Variants in RMDN2 observed in about 807,000 individuals in gnomAD.
RMDN2 encodes the protein regulator of microtubule dynamics protein 2.
In RMDN2, 61 loss-of-function variants were observed where a neutral mutation model predicts 52.8. The observed-to-expected ratio is 1.16, with a 90% CI of 0.94 to 1.43. The LOEUF (loss-of-function observed/expected upper bound fraction) is 1.43, where lower values mean the gene tolerates loss of function less well. Among genes scored for constraint, RMDN2 ranks in the 40% most tolerant of loss-of-function variants. RMDN2 has a pLI of 0.00. For synonymous variants in RMDN2, 180 were observed against 153.1 expected, an observed-to-expected ratio of 1.18 and a Z score of -1.30; for missense variants, 592 against 475.3, an observed-to-expected ratio of 1.25 and a Z score of -2.28.
intron 2 of RMDN2, among the ~76,000 whole-genome samples, chr2:37,945,164 C>T (rs1394755955): frequency 1.3e-5 from 2 of 152,180 alleles, no homozygotes; most frequent in Non-Finnish European, 2.9e-5. Context: ...AAAGGTTAAG[C>T]TCTTCTCTAC....
intron 2 of RMDN2, among the ~76,000 whole-genome samples, chr2:37,943,650 A>G (rs143347490): frequency 2.0e-5 from 3 of 152,230 alleles, no homozygotes; most frequent in Non-Finnish European, 4.4e-5. Context: ...GGAATTGGCA[A>G]ACTTTTTCTG....
intron 2 of RMDN2, among the ~76,000 whole-genome samples, chr2:37,961,875 C>T (rs1048300748): frequency 6.6e-6 from 1 of 152,176 alleles, no homozygotes. Flanking sequence ...ATGGGTTTTG[C>T]GTGGGCGTCC....
chr2:38,041,667 G>A (rs768144652), intron 10 of RMDN2, among the ~76,000 whole-genome samples: 39 of 151,814 alleles, frequency 2.6e-4, no homozygotes, highest in Admixed American at 1.8e-3. Flanking sequence ...ATGGGTGTTG[G>A]ATTTTGTCAG....
chr2:38,009,520 C>T (rs1174614824), intron 10 of RMDN2, among the ~76,000 whole-genome samples: 1 of 152,216 alleles, frequency 6.6e-6, no homozygotes, highest in African/African-American at 2.4e-5. Context: ...GAGGCTTGTG[C>T]ATTTGTCACG....
chr2:37,965,799 C>T (rs989427212), intron 2 of RMDN2, among the ~76,000 whole-genome samples: 2 of 152,222 alleles, frequency 1.3e-5, no homozygotes, highest in East Asian at 1.9e-4. Context: ...TAGGGAAATT[C>T]TAGTGATAGT....
intron 2 of RMDN2, among the ~76,000 whole-genome samples, chr2:37,963,447 A>T (rs1309585766): frequency 6.6e-6 from 1 of 151,544 alleles, no homozygotes; most frequent in African/African-American, 2.4e-5. Flanking sequence ...TGGGTTTCCT[A>T]GGCAGAGGAC....
intron 4 of RMDN2, among the ~76,000 whole-genome samples, chr2:37,979,707 T>G (rs1673053693): frequency 6.6e-6 from 1 of 152,236 alleles, no homozygotes; most frequent in South Asian, 2.1e-4. Flanking sequence ...TTACTTTTAT[T>G]CTGACTGCAT....
chr2:37,956,762 C>G (rs1669524342), intron 2 of RMDN2, among the ~76,000 whole-genome samples: 1 of 151,816 alleles, frequency 6.6e-6, no homozygotes, highest in Admixed American at 6.6e-5. Context: ...ACCCATCAAC[C>G]CGTCATCTAT....
In RMDN2 at chr2:38,004,057, A is replaced by T; in HGVS notation, c.1098+13A>T. ...GTACTTAGCAAAGGTAATGAAGACC[A>T]CTGTTCTGCTTTAAGATCACTTTGA... On this transcript the variant is annotated intron_variant, in intron 9 of 10. Coordinates refer to ENST00000354545, the MANE Select transcript of RMDN2 (RefSeq NM_001170791.3). 1.2e-6 allele frequency: 2 copies of T among 1,610,700 alleles called. No individual in the cohort carries two copies. Among genetic ancestry groups the T allele is most frequent in the East Asian group, 2.2e-5 (1 of 44,778 alleles).
intron 5 of RMDN2, among the ~76,000 whole-genome samples, chr2:37,986,463 C>T (rs1674030856): frequency 6.6e-6 from 1 of 152,046 alleles, no homozygotes; most frequent in Non-Finnish European, 1.5e-5. Flanking sequence ...TACCCTAATA[C>T]CAACATCAGA....
At chr2:37,949,601 A>G (rs1668535918) in intron 2 of RMDN2, among the ~76,000 whole-genome samples, 1 of 152,186 alleles carries the variant, frequency 6.6e-6, no homozygotes, top group South Asian at 2.1e-4. Flanking sequence ...AACTAAAATC[A>G]AATTACAAAT....
chr2:37,961,235 G>A (rs1670188583), intron 2 of RMDN2, among the ~76,000 whole-genome samples: 1 of 152,082 alleles, frequency 6.6e-6, no homozygotes, highest in Non-Finnish European at 1.5e-5. Context: ...GTGTTGGCCT[G>A]TCTTGCTATG....
intron 4 of RMDN2, 71 bp from the exon 5 acceptor site, chr2:37,981,212 G>T: frequency 1.1e-6 from 1 of 929,118 alleles, no homozygotes; most frequent in East Asian, 2.4e-5. Context: ...TGTGAACCAT[G>T]AGTTAATTCA....
chr2:38,038,178 G>C (rs1425778814), intron 10 of RMDN2, among the ~76,000 whole-genome samples: 1 of 152,108 alleles, frequency 6.6e-6, no homozygotes, highest in Non-Finnish European at 1.5e-5. Flanking sequence ...TCAAGCCCAG[G>C]GGAGGGCTTC....
chr2:37,974,104 C>T lies in RMDN2; in HGVS notation c.517C>T (p.Arg173Cys), dbSNP rs138851338. Reference sequence around the variant, plus strand: ...TCCAGTCCCTAAGGCATTTAACACACGTGTAGAGGAATTAAATTTAGATGT... The same window carrying T: ...TCCAGTCCCTAAGGCATTTAACACATGTGTAGAGGAATTAAATTTAGATGT... ...SFPVPKAFNT[R>C]VEELNLDVLL... The change falls in exon 3 of 11, where the codon CGT becomes TGT. Residue 173 changes from arginine (R) to cysteine (C), a missense_variant. Arg to Cys is a radical substitution (Grantham distance 180). Coordinates refer to ENST00000354545, the MANE Select transcript of RMDN2 (RefSeq NM_001170791.3). 361 of 1,611,854 alleles carry T rather than the reference C, an allele frequency of 2.2e-4. No homozygotes were observed. Among genetic ancestry groups the T allele is most frequent in the Non-Finnish European group, 2.9e-4 (342 of 1,178,404 alleles).
intron 10 of RMDN2, chr2:38,030,136 A>G (rs1366263243): frequency 1.3e-5 from 2 of 152,232 alleles, no homozygotes; most frequent in African/African-American, 4.8e-5. Context: ...GCCAAGCAGT[A>G]TCAGACAATG....
chr2:37,939,330 A>G (rs1667580621), intron 2 of RMDN2, among the ~76,000 whole-genome samples: 1 of 152,174 alleles, frequency 6.6e-6, no homozygotes, highest in African/African-American at 2.4e-5. Flanking sequence ...TGATTTTGGA[A>G]TAAGTGCGGT....
chr2:38,057,206 G>A (rs753431853), intron 10 of RMDN2, among the ~76,000 whole-genome samples: 1 of 152,238 alleles, frequency 6.6e-6, no homozygotes, highest in Admixed American at 6.5e-5. Flanking sequence ...AACTTTTCCT[G>A]TAAGAGCCAG....
At chr2:37,936,272 A>T (rs1361434972) in intron 2 of RMDN2, among the ~76,000 whole-genome samples, 3 of 152,148 alleles carry the variant, frequency 2.0e-5, no homozygotes, top group African/African-American at 7.2e-5. Context: ...TGTGTATGTG[A>T]CACATTTTCT....
Sources: allele counts gnomAD v4.1 joint callset (sites outside exome capture counted in the v4.1 genomes callset), GRCh38; gene constraint gnomAD v4.1.1; transcripts MANE v1.5; gene names NCBI Gene and HGNC (gene_info 2026-07-23, HGNC 2026-07-21).